The following STYXL2 variants were observed in gnomAD, a reference collection of about 807,000 sequenced individuals.
STYXL2 encodes the protein serine/threonine/tyrosine interacting like 2.
In STYXL2, 44 loss-of-function variants were observed where a neutral mutation model predicts 52.4. That is an observed-to-expected ratio of 0.84 (90% confidence interval 0.66 to 1.08). STYXL2 has a LOEUF of 1.08. STYXL2 is among the 50% of genes least tolerant of loss of function. The pLI is 0.00. For synonymous variants in STYXL2, 604 were observed against 586.9 expected, an observed-to-expected ratio of 1.03 and a Z score of -0.42; for missense variants, 1,604 against 1,471.7, an observed-to-expected ratio of 1.09 and a Z score of -1.47.
intron 5 of STYXL2, among the ~76,000 whole-genome samples, chr1:167,121,255 C>G (rs1185917769): frequency 1.3e-5 from 2 of 152,124 alleles, no homozygotes; most frequent in African/African-American, 2.4e-5. Flanking sequence ...TCAGGTGATC[C>G]GCCCGCCTCG....
chr1:167,117,391 A>G lies in STYXL2; in HGVS notation c.269A>G (p.Gln90Arg). The change falls in exon 4 of 6, where the codon CAG (glutamine) becomes CGG (arginine). Residue 90 changes from glutamine to arginine, a missense_variant. Transcript: ENST00000361200. ...ECPGMLESAEQLLVEDLYNRV... is the reference protein window; with the variant it reads ...ECPGMLESAERLLVEDLYNRV... The stretch of plus-strand genomic sequence containing the variant: ...CCAGGCATGCTGGAGTCTGCTGAAC[A>G]GCTGCTGGTGGAGGACCTGTACAAC... 6.2e-7 allele frequency: 1 copy of G among 1,612,956 alleles called. No homozygotes were observed. The highest frequency in any genetic ancestry group is 8.5e-7 in the Non-Finnish European group (1 of 1,179,584).
intron 2 of STYXL2, among the ~76,000 whole-genome samples, chr1:167,109,299 A>G (rs1667569204): frequency 6.6e-6 from 1 of 151,986 alleles, no homozygotes. Flanking sequence ...GCAAGATCTC[A>G]TCCCTGCTTA....
chr1:167,117,053 C>A (rs1256053415), intron 3 of STYXL2, among the ~76,000 whole-genome samples: 2 of 152,196 alleles, frequency 1.3e-5, no homozygotes, highest in African/African-American at 4.8e-5. Flanking sequence ...AAAAAATTAT[C>A]GACCAGCTTC....
Position 167,127,327 on chromosome 1 carries a change from T to A in STYXL2, c.2196T>A (p.Ser732Arg), listed in dbSNP as rs1369406780. The change falls in exon 6 of 6, where the codon AGT becomes AGA. Residue 732 changes from serine (S) to arginine (R), a missense_variant. Transcript: ENST00000361200. Reference protein sequence around the residue: ...SIQNWIANVVSETLAQKQNEM... With the variant: ...SIQNWIANVVRETLAQKQNEM... The stretch of plus-strand genomic sequence containing the variant: ...AGAACTGGATTGCCAATGTAGTCAG[T>A]GAGACCCTTGCTCAGAAGCAAAATG... 1 of 1,614,168 alleles carries A rather than the reference T, an allele frequency of 6.2e-7. No homozygotes were observed. The highest frequency in any genetic ancestry group is 8.5e-7 in the Non-Finnish European group (1 of 1,180,022).
intron 2 of STYXL2, 53 bp from the exon 3 acceptor site, chr1:167,113,657 C>T (rs1667661483): frequency 3.8e-6 from 5 of 1,327,786 alleles, no homozygotes; most frequent in Admixed American, 1.7e-5. Context: ...TAAAAGAATG[C>T]CTTCAGTTCA....
rs572424615 is a variant in STYXL2 at position 167,109,810 on chromosome 1, G to A, written c.111-3900G>A. Among the ~76,000 whole-genome samples the A allele has an allele frequency of 2.8e-3, 426 of 152,336 alleles. 5 individuals are homozygous for A. Among genetic ancestry groups the A allele is most frequent in the African/African-American group, 9.3e-3 (386 of 41,564 alleles). On this transcript the variant is annotated intron_variant, in intron 2 of 5. Transcript: ENST00000361200. ...TCATAAAAGAACAATGCTGCTCTAAGAAAGGAGAAAACAACAGCTAATTCT... is the reference window on the plus strand; with the variant it reads ...TCATAAAAGAACAATGCTGCTCTAAAAAAGGAGAAAACAACAGCTAATTCT...
At chr1:167,105,426 T>G (rs986071840) in intron 2 of STYXL2, among the ~76,000 whole-genome samples, 4 of 152,214 alleles carry the variant, frequency 2.6e-5, no homozygotes, top group African/African-American at 9.6e-5. Context: ...GTCCTTTTTT[T>G]CCCTGCCTGT....
chr1:167,119,200 A>T, intron 4 of STYXL2, 49 bp from the exon 5 acceptor site: 1 of 1,573,446 alleles, frequency 6.4e-7, no homozygotes, highest in Non-Finnish European at 8.7e-7. Context: ...GTGGTGACAC[A>T]CCTTTCTAGT....
At chr1:167,107,534 A>G (rs777313821) in intron 2 of STYXL2, among the ~76,000 whole-genome samples, 7 of 152,228 alleles carry the variant, frequency 4.6e-5, no homozygotes, top group Non-Finnish European at 7.3e-5. Context: ...GAGACTTACT[A>G]CTGGTGTCCC....
intron 5 of STYXL2, 85 bp from the exon 6 acceptor site, chr1:167,125,702 G>A (rs1667947669): frequency 6.8e-7 from 1 of 1,478,974 alleles, no homozygotes; most frequent in Non-Finnish European, 8.9e-7. Flanking sequence ...TATTAAAACA[G>A]CACTTACCAA....
Position 167,119,351 on chromosome 1 carries a change from TG to T in STYXL2, c.542del (p.Gly181AlafsTer9), listed in dbSNP as rs1208212109. ...GVYTGPEFYT[G>X]LEIQYLGVEV... ...TTTACACTGGCCCCGAATTCTACAC[TG>T]GCCTGGAGATCCAGTACCTGGGTGT... On this transcript the variant is annotated frameshift_variant, in exon 5 of 6. Coordinates refer to ENST00000361200, the MANE Select transcript of STYXL2 (RefSeq NM_001080426.3). LOFTEE classifies it high-confidence loss of function. 6 of 1,614,210 alleles carry T rather than the reference TG, an allele frequency of 3.7e-6. No homozygotes were observed. Among genetic ancestry groups the T allele is most frequent in the Non-Finnish European group, 5.1e-6 (6 of 1,180,018 alleles).
chr1:167,122,045 T>A (rs889993063), intron 5 of STYXL2, among the ~76,000 whole-genome samples: 1 of 152,096 alleles, frequency 6.6e-6, no homozygotes, highest in Admixed American at 6.5e-5. Flanking sequence ...GCGTTTTACA[T>A]GATAATCACA....
chr1:167,107,754 T>G (rs768616548), intron 2 of STYXL2, among the ~76,000 whole-genome samples: 6 of 152,188 alleles, frequency 3.9e-5, no homozygotes, highest in Non-Finnish European at 7.4e-5. Context: ...CTTGCCTTCA[T>G]AGAGGGTATG....
rs2102248553 is a variant in STYXL2 at position 167,126,131 on chromosome 1, C to A, written c.1000C>A (p.Gln334Lys). 1 of 1,510,460 alleles carries A rather than the reference C, an allele frequency of 6.6e-7. No individual in the cohort carries two copies. The highest frequency in any genetic ancestry group is 8.8e-7 in the Non-Finnish European group (1 of 1,132,618). The allele number at this position is 1,510,460 out of a possible 1,614,324, so 93.6% of individuals were successfully genotyped here. A position where few individuals can be genotyped will look rare whatever the true frequency, so the allele number is the denominator to read the frequency against. ...LSGSSLGKAT[Q>K]ASKPLTLIDE... ...TGGCTCCTCCCTGGGGAAGGCCACC[C>A]AGGCCTCCAAGCCCCTCACCCTCAT... The change falls in exon 6 of 6, where the codon CAG (glutamine) becomes AAG (lysine). Residue 334 changes from glutamine to lysine, a missense_variant. Physicochemically the swap from Gln to Lys is moderately conservative, Grantham distance 53. Coordinates refer to ENST00000361200, the MANE Select transcript of STYXL2 (RefSeq NM_001080426.3).
chr1:167,115,238 T>C (rs995163755), intron 3 of STYXL2, among the ~76,000 whole-genome samples: 3 of 152,138 alleles, frequency 2.0e-5, no homozygotes, highest in South Asian at 2.1e-4. Flanking sequence ...TGAAGGGCTA[T>C]AGGGAGAGAA....
At chr1:167,109,639 G>T (rs1455525237) in intron 2 of STYXL2, among the ~76,000 whole-genome samples, 2 of 152,076 alleles carry the variant, frequency 1.3e-5, no homozygotes, top group South Asian at 2.1e-4. Flanking sequence ...AAGCTCTAAG[G>T]CCTCACCCAT....
intron 3 of STYXL2, among the ~76,000 whole-genome samples, chr1:167,114,350 A>T (rs1318318650): frequency 6.6e-6 from 1 of 152,152 alleles, no homozygotes; most frequent in Non-Finnish European, 1.5e-5. Context: ...GATTAGATGA[A>T]TTTTTTTCTA....
chr1:167,104,257 C>T (rs1443618605), intron 2 of STYXL2, among the ~76,000 whole-genome samples: 1 of 150,918 alleles, frequency 6.6e-6, no homozygotes, highest in South Asian at 2.1e-4. Flanking sequence ...TTATCATTCT[C>T]TTGTTCCTGA....
intron 3 of STYXL2, among the ~76,000 whole-genome samples, chr1:167,115,669 TGC>T (rs202226669): frequency 0.011 from 1,732 of 152,262 alleles, 30 homozygotes; most frequent in African/African-American, 0.039. Context: ...GGACTGAATT[TGC>T]TATGAAAGAC....
Sources: gnomAD v4.1 joint callset for allele counts (sites outside exome capture counted in the v4.1 genomes callset) on GRCh38, gnomAD v4.1.1 for gene constraint, MANE v1.5 for transcripts, NCBI Gene and HGNC (gene_info 2026-07-23, HGNC 2026-07-21) for gene names.